The following LONRF1 variants were observed in gnomAD, a reference collection of about 807,000 sequenced individuals.
LONRF1 encodes the protein LON peptidase N-terminal domain and ring finger 1.
LONRF1 carries 37 observed loss-of-function variants against 85.8 expected under a neutral mutation model. The observed-to-expected ratio is 0.43, with a 90% CI of 0.33 to 0.57. The LOEUF is 0.57. Among genes scored for constraint, LONRF1 ranks in the 20% least tolerant of loss-of-function variants. The pLI is 0.04. For synonymous variants in LONRF1, 517 were observed against 390.1 expected (o/e 1.33, Z -3.83); for missense variants, 1,036 against 978.0 (o/e 1.06, Z -0.79).
chr8:12,726,762 A>G (rs1460909340), intron 10 of LONRF1, among the ~76,000 whole-genome samples: 1 of 152,238 alleles, frequency 6.6e-6, no homozygotes, highest in African/African-American at 2.4e-5. Flanking sequence ...AGGATGACTC[A>G]TTTAAAAACA....
chr8:12,752,720 T>TA (rs1799458001), intron 1 of LONRF1, among the ~76,000 whole-genome samples: 1 of 152,228 alleles, frequency 6.6e-6, no homozygotes, highest in East Asian at 1.9e-4. Context: ...TCACAGAATG[T>TA]TAAGCTAGAC....
chr8:12,751,825 G>C (rs936229424), intron 1 of LONRF1, among the ~76,000 whole-genome samples: 1 of 152,128 alleles, frequency 6.6e-6, no homozygotes, highest in South Asian at 2.1e-4. Context: ...GCATGGCTTA[G>C]GGGGATCATT....
intron 1 of LONRF1, among the ~76,000 whole-genome samples, chr8:12,746,873 A>G (rs1436825718): frequency 6.6e-6 from 1 of 152,192 alleles, no homozygotes; most frequent in Non-Finnish European, 1.5e-5. Context: ...TCTCTACCCC[A>G]AGGCTTACTC....
chr8:12,738,165 G>C, intron 3 of LONRF1, 21 bp from the exon 4 acceptor site: 1 of 1,396,624 alleles, frequency 7.2e-7, no homozygotes, highest in Non-Finnish European at 9.7e-7. Context: ...AATATTAAAA[G>C]TAGTAGAAAA....
intron 11 of LONRF1, among the ~76,000 whole-genome samples, chr8:12,725,196 C>A (rs974034690): frequency 6.6e-6 from 1 of 152,022 alleles, no homozygotes; most frequent in African/African-American, 2.4e-5. Flanking sequence ...TAAGTACCTG[C>A]AAGACTAAAA....
chr8:12,732,360 G>A (rs1277190255), intron 7 of LONRF1, among the ~76,000 whole-genome samples: 2 of 152,144 alleles, frequency 1.3e-5, no homozygotes, highest in South Asian at 2.1e-4. Context: ...CCACTATTGA[G>A]TAGAGGAGCA....
At chr8:12,742,103 C>T (rs1798955584) in intron 2 of LONRF1, among the ~76,000 whole-genome samples, 2 of 152,196 alleles carry the variant, frequency 1.3e-5, no homozygotes, top group Admixed American at 1.3e-4. Flanking sequence ...ACTTCTGTGG[C>T]AAATCCAAAA....
chr8:12,754,566 C>G, intron 1 of LONRF1, 134 bp downstream of exon 1: 1 of 1,065,070 alleles, frequency 9.4e-7, no homozygotes, highest in Non-Finnish European at 1.2e-6. Flanking sequence ...CACCCCGAGA[C>G]CCGACACGCC....
chr8:12,723,109 T>A lies in LONRF1; in HGVS notation c.2309A>T (p.Asp770Val), dbSNP rs894218375. Residue 770 changes from aspartate (D) to valine (V), a missense_variant, in exon 12 of 12, where the codon GAC (aspartate) becomes GTC (valine). Transcript: ENST00000398246. ...IQHILTYFSR[D>V]QSK ...CCAAAGAGTTAGTTACTTAGATTGG[T>A]CTCTAGAAAAATAGGTCAGTATATG... The A allele has an allele frequency of 4.3e-6, 7 of 1,611,466 alleles. No homozygotes were observed. The highest frequency in any genetic ancestry group is 5.9e-6 in the Non-Finnish European group (7 of 1,179,018).
intron 1 of LONRF1, 139 bp from the exon 2 acceptor site, chr8:12,743,421 G>C (rs376347350): frequency 1.7e-6 from 1 of 594,114 alleles, no homozygotes; most frequent in African/African-American, 1.9e-5. Flanking sequence ...ATAAGCCAAA[G>C]GCAGTATAGG....
At chr8:12,723,929 G>C (rs183956524) in intron 11 of LONRF1, among the ~76,000 whole-genome samples, 1 of 152,246 alleles carries the variant, frequency 6.6e-6, no homozygotes, top group East Asian at 1.9e-4. Flanking sequence ...CTGACTATTG[G>C]CTATTGAAAC....
chr8:12,748,806 A>ATTTT (rs1799265406), intron 1 of LONRF1, among the ~76,000 whole-genome samples: 4 of 15,532 alleles, frequency 2.6e-4, no homozygotes, highest in Non-Finnish European at 6.6e-4. Context: ...CCAGAATATC[A>ATTTT]ATTTTTTTTT....
intron 2 of LONRF1, among the ~76,000 whole-genome samples, chr8:12,742,660 G>C (rs1482444125): frequency 6.6e-6 from 1 of 151,540 alleles, no homozygotes; most frequent in South Asian, 2.1e-4. Context: ...ACCATGAATT[G>C]TTTGTTCCTT....
intron 2 of LONRF1, among the ~76,000 whole-genome samples, chr8:12,741,941 A>C (rs1338866069): frequency 1.3e-5 from 2 of 152,218 alleles, no homozygotes; most frequent in Non-Finnish European, 2.9e-5. Flanking sequence ...ACAAAGTATC[A>C]ACTGGTAAGC....
At chr8:12,749,758 A>C (rs1381544676) in intron 1 of LONRF1, among the ~76,000 whole-genome samples, 2 of 152,136 alleles carry the variant, frequency 1.3e-5, no homozygotes, top group Non-Finnish European at 2.9e-5. Context: ...AAAATCCTTA[A>C]AGTACCTTAT....
chr8:12,754,620 G>C (rs939232506), intron 1 of LONRF1, 80 bp downstream of exon 1: 13 of 1,239,078 alleles, frequency 1.0e-5, no homozygotes, highest in Middle Eastern at 3.1e-4. Context: ...CTCTCGGGGC[G>C]CAGACAAGCT....
At chr8:12,753,275 G>C (rs866068426) in intron 1 of LONRF1, 1 of 152,162 alleles carries the variant, frequency 6.6e-6, no homozygotes, top group African/African-American at 2.4e-5. Context: ...AGTTCAATAT[G>C]ACTAAGCACT....
intron 1 of LONRF1, among the ~76,000 whole-genome samples, chr8:12,752,853 C>CA (rs1222639187): frequency 1.3e-5 from 2 of 152,010 alleles, no homozygotes; most frequent in Non-Finnish European, 2.9e-5. Context: ...CCTCAGTGAC[C>CA]AAAAAAACTT....
intron 11 of LONRF1, 89 bp downstream of exon 11, chr8:12,725,638 A>G (rs1798268326): frequency 2.2e-6 from 3 of 1,338,182 alleles, no homozygotes. Context: ...AAAGTAGTGC[A>G]GAAAGGACAA....
Sources: gnomAD v4.1 joint callset for allele counts (sites outside exome capture counted in the v4.1 genomes callset) on GRCh38, gnomAD v4.1.1 for gene constraint, MANE v1.5 for transcripts, NCBI Gene and HGNC (gene_info 2026-07-23, HGNC 2026-07-21) for gene names.